ADA: variants seen among roughly 807,000 people sequenced by gnomAD.
ADA encodes the protein adenosine aminohydrolase.
In ADA, 45 loss-of-function variants were observed where a neutral mutation model predicts 49.0. That is an observed-to-expected ratio of 0.92 (90% CI 0.72 to 1.18). The LOEUF (loss-of-function observed/expected upper bound fraction) is 1.18. ADA is among the 50% of genes most tolerant of loss of function. ADA has a pLI of 0.00. For synonymous variants in ADA, 173 were observed against 184.2 expected (o/e 0.94, Z 0.49); for missense variants, 445 against 472.5 (o/e 0.94, Z 0.54).
chr20:44,645,624 A>C (rs1163966908), intron 1 of ADA, among the ~76,000 whole-genome samples: 2 of 152,132 alleles, frequency 1.3e-5, no homozygotes. Flanking sequence ...TCTGTCTCAA[A>C]AGTCAAAGTA....
intron 1 of ADA, among the ~76,000 whole-genome samples, chr20:44,645,422 C>T (rs1303421529): frequency 6.6e-6 from 1 of 151,102 alleles, no homozygotes; most frequent in Non-Finnish European, 1.5e-5. Flanking sequence ...CAAGGACAGC[C>T]ATTGTTATGG....
At chr20:44,643,834 A>G (rs2065560980) in intron 1 of ADA, among the ~76,000 whole-genome samples, 1 of 152,154 alleles carries the variant, frequency 6.6e-6, no homozygotes, top group Non-Finnish European at 1.5e-5. Context: ...TCAGTTACCA[A>G]CAAATATTTA....
chr20:44,619,532 C>T lies in ADA; in HGVS notation c.*302G>A. ...TTACATGCCACCTGCTGCATGCCACCAGCCATGGGCTTCTTTATTGAGCAC... is the reference window on the plus strand; with the variant it reads ...TTACATGCCACCTGCTGCATGCCACTAGCCATGGGCTTCTTTATTGAGCAC... On this transcript the variant is annotated 3_prime_UTR_variant, in exon 12 of 12. Coordinates refer to ENST00000372874, the MANE Select transcript of ADA (RefSeq NM_000022.4). 2.5e-6 allele frequency: 1 copy of T among 404,114 alleles called. No homozygotes were observed. Among genetic ancestry groups the T allele is most frequent in the Non-Finnish European group, 4.7e-6 (1 of 215,008 alleles). 25.0% of individuals were successfully genotyped at this position (404,114 alleles called of 1,614,324 possible). A position where few individuals can be genotyped will look rare whatever the true frequency, so the allele number is the denominator to read the frequency against.
intron 9 of ADA, among the ~76,000 whole-genome samples, 155 bp downstream of exon 9, chr20:44,622,433 T>C (rs746142651): frequency 7.9e-5 from 12 of 152,198 alleles, no homozygotes; most frequent in Admixed American, 2.0e-4. Flanking sequence ...GATTCCTCAT[T>C]TGTAAGATGA....
At chr20:44,625,509 C>T (rs2065372989) in intron 5 of ADA, 60 bp downstream of exon 5, 1 of 1,467,576 alleles carries the variant, frequency 6.8e-7, no homozygotes, top group Non-Finnish European at 9.3e-7. Context: ...CACTGCTAGG[C>T]CAGGAGGTCA....
chr20:44,648,413 G>A (rs1600951652), intron 1 of ADA, among the ~76,000 whole-genome samples: 1 of 152,140 alleles, frequency 6.6e-6, no homozygotes, highest in East Asian at 1.9e-4. Context: ...CGTTATCTAT[G>A]AGGAACATCT....
intron 9 of ADA, among the ~76,000 whole-genome samples, chr20:44,621,857 C>T (rs2065335414): frequency 6.6e-6 from 1 of 152,112 alleles, no homozygotes; most frequent in South Asian, 2.1e-4. Context: ...GATCTTTTTC[C>T]AGCCCATGGT....
At chr20:44,629,263 C>G in intron 2 of ADA, 94 bp from the exon 3 acceptor site, 1 of 1,560,708 alleles carries the variant, frequency 6.4e-7, no homozygotes, top group Non-Finnish European at 8.8e-7. Flanking sequence ...GCGCCAGCCT[C>G]CTTGCAGGAC....
chr20:44,620,942 C>G (rs2065324614), intron 10 of ADA, 76 bp downstream of exon 10: 3 of 1,598,022 alleles, frequency 1.9e-6, no homozygotes, highest in East Asian at 2.2e-5. Context: ...TCCAAAGATT[C>G]CAGGCCCCGG....
At chr20:44,646,898 C>A (rs1444489995) in intron 1 of ADA, among the ~76,000 whole-genome samples, 1 of 152,036 alleles carries the variant, frequency 6.6e-6, no homozygotes, top group Non-Finnish European at 1.5e-5. Context: ...AGCTCTGCTG[C>A]TTGCCAGCTG....
intron 1 of ADA, among the ~76,000 whole-genome samples, chr20:44,647,685 A>G (rs2065605174): frequency 6.6e-6 from 1 of 152,048 alleles, no homozygotes. Flanking sequence ...TGGGAAGCCA[A>G]GGTGGGAGGA....
At chr20:44,631,128 A>G (rs540054887) in intron 2 of ADA, among the ~76,000 whole-genome samples, 103 of 152,320 alleles carry the variant, frequency 6.8e-4, no homozygotes, top group African/African-American at 2.1e-3. Context: ...TGTTACTAAA[A>G]TATTAAAATG....
chr20:44,647,778 G>A (rs1306130754), intron 1 of ADA, among the ~76,000 whole-genome samples: 4 of 151,772 alleles, frequency 2.6e-5, no homozygotes, highest in Non-Finnish European at 4.4e-5. Context: ...TTAGCCGGGC[G>A]TGGTGGTGGA....
chr20:44,639,634 A>C (rs111472180), intron 1 of ADA, among the ~76,000 whole-genome samples: 1,711 of 152,162 alleles, frequency 0.011, 24 homozygotes, highest in African/African-American at 0.039. Context: ...GCTGGTCTTG[A>C]ACTCCTGACC....
chr20:44,637,568 G>A (rs747223026), intron 1 of ADA, among the ~76,000 whole-genome samples: 14 of 152,176 alleles, frequency 9.2e-5, no homozygotes, highest in Non-Finnish European at 2.1e-4. Context: ...ATCTCATGCT[G>A]GGGTGGGGAG....
At chr20:44,625,900 A>C (rs1284039565) in intron 4 of ADA, among the ~76,000 whole-genome samples, 2 of 152,148 alleles carry the variant, frequency 1.3e-5, no homozygotes. Flanking sequence ...TCTTAGTGGG[A>C]GGTGTGGGGT....
At chr20:44,644,650 T>C (rs538121194) in intron 1 of ADA, among the ~76,000 whole-genome samples, 1 of 152,362 alleles carries the variant, frequency 6.6e-6, no homozygotes, top group Admixed American at 6.5e-5. Context: ...CTATGGCCTC[T>C]CAACTGACTT....
chr20:44,644,879 G>C (rs36013790), intron 1 of ADA, among the ~76,000 whole-genome samples: 13,437 of 152,212 alleles, frequency 0.088, 681 homozygotes, highest in African/African-American at 0.13. Flanking sequence ...TCTTCCACCT[G>C]GGGAAATTCC....
intron 1 of ADA, among the ~76,000 whole-genome samples, chr20:44,648,338 C>T (rs1408242330): frequency 6.6e-6 from 1 of 152,078 alleles, no homozygotes; most frequent in Non-Finnish European, 1.5e-5. Context: ...ATGGCAGGCA[C>T]ACTTGAATGG....
Sources: allele counts gnomAD v4.1 joint callset (sites outside exome capture counted in the v4.1 genomes callset), GRCh38; gene constraint gnomAD v4.1.1; transcripts MANE v1.5; gene names NCBI Gene and HGNC (gene_info 2026-07-23, HGNC 2026-07-21).